RHOBTB1: variants seen among roughly 807,000 people sequenced by gnomAD.
RHOBTB1 encodes Rho related BTB domain containing 1, also known as rho-related BTB domain-containing protein 1.
Under a neutral mutation model 71.6 loss-of-function variants are expected in RHOBTB1, and 40 were observed. The ratio of observed to expected loss-of-function variants is 0.56; its 90% CI spans 0.43 to 0.73. The LOEUF (loss-of-function observed/expected upper bound fraction) is 0.73. RHOBTB1 is among the 30% of genes least tolerant of loss of function. The pLI, the probability that RHOBTB1 is intolerant of heterozygous loss-of-function variation, is 0.00. For synonymous variants in RHOBTB1, 319 were observed against 334.9 expected (o/e 0.95, Z 0.52); for missense variants, 797 against 894.0 (o/e 0.89, Z 1.38).
At chr10:60,990,523 T>A (rs1195664456) in intron 1 of RHOBTB1, among the ~76,000 whole-genome samples, 1 of 152,176 alleles carries the variant, frequency 6.6e-6, no homozygotes, top group Non-Finnish European at 1.5e-5. Context: ...TCAAAAATAA[T>A]TCTCTCCTGA....
At chr10:60,978,984 C>A (rs1279099833) in intron 2 of RHOBTB1, among the ~76,000 whole-genome samples, 1 of 152,018 alleles carries the variant, frequency 6.6e-6, no homozygotes, top group African/African-American at 2.4e-5. Flanking sequence ...CAAATCTCCC[C>A]CTATGTATCA....
intron 9 of RHOBTB1, among the ~76,000 whole-genome samples, chr10:60,872,705 T>C (rs1258463899): frequency 6.6e-6 from 1 of 152,156 alleles, no homozygotes; most frequent in African/African-American, 2.4e-5. Flanking sequence ...GAGCTCAGCT[T>C]GCTGGGGCCA....
rs139578469 is a variant in RHOBTB1, at chr10:60,994,957, AT to A, written c.-163+6441del. 1.9e-3 allele frequency among the ~76,000 whole-genome samples: 283 copies of A among 151,968 alleles called. 8 individuals are homozygous for A. In the East Asian group the frequency reaches 0.051, roughly 27 times the overall value. On this transcript the variant is annotated intron_variant, in intron 1 of 11. Transcript: ENST00000357917. Reference sequence around the variant, plus strand: ...AACAAAACAAAAAACAGAGCACATAATGAAAGATGCGGCTAAAAATTCTTTC... The same window carrying A: ...AACAAAACAAAAAACAGAGCACATAAGAAAGATGCGGCTAAAAATTCTTTC...
intron 1 of RHOBTB1, among the ~76,000 whole-genome samples, chr10:60,987,816 C>T (rs547415122): frequency 6.6e-6 from 1 of 151,796 alleles, no homozygotes; most frequent in Admixed American, 6.6e-5. Context: ...TCTAAACCAT[C>T]TCCCCTCACT....
rs147181899 is a variant in RHOBTB1, at chr10:60,940,975, T to C, written c.-11+829A>G. On this transcript the variant is annotated intron_variant, in intron 2 of 10. Transcript: ENST00000337910. ...ATCTTCAAGGCCAGAGACCCCACAA[T>C]AAAAACTTTCTTATATCTTTGACAG... Among the ~76,000 whole-genome samples, 568 of 152,306 alleles carry C rather than the reference T, an allele frequency of 3.7e-3. 2 individuals are homozygous for C. The highest frequency in any genetic ancestry group is 0.013 in the African/African-American group (549 of 41,580).
In RHOBTB1 at chr10:60,888,192, C is replaced by T. The variant is rs1214609185; in HGVS notation, c.1456+20G>A. The T allele has an allele frequency of 6.2e-7, 1 of 1,600,082 alleles. No homozygotes were observed. The highest frequency in any genetic ancestry group is 1.3e-5 in the African/African-American group (1 of 74,502). ...AACACAATCAAAGGTATTAATGGCTCTGCCCCGCGGCCCACTCACCCGAGA... is the reference window on the plus strand; with the variant it reads ...AACACAATCAAAGGTATTAATGGCTTTGCCCCGCGGCCCACTCACCCGAGA... On this transcript the variant is annotated intron_variant, in intron 6 of 10. Coordinates refer to ENST00000337910, the MANE Select transcript of RHOBTB1 (RefSeq NM_014836.5).
At chr10:60,884,255 T>C (rs971422447) in intron 7 of RHOBTB1, among the ~76,000 whole-genome samples, 3 of 152,134 alleles carry the variant, frequency 2.0e-5, no homozygotes, top group Non-Finnish European at 2.9e-5. Context: ...ACAATGGGAG[T>C]GCTCGAATTT....
intron 2 of RHOBTB1, among the ~76,000 whole-genome samples, chr10:60,950,905 G>C (rs2085387956): frequency 6.6e-6 from 1 of 152,190 alleles, no homozygotes; most frequent in Non-Finnish European, 1.5e-5. Context: ...GTATGAGGTA[G>C]AAAGTTTAGT....
intron 2 of RHOBTB1, among the ~76,000 whole-genome samples, chr10:60,919,502 GA>G: frequency 6.6e-6 from 1 of 152,270 alleles, no homozygotes; most frequent in African/African-American, 2.4e-5. Flanking sequence ...CCAGAGCCGG[GA>G]AAGAGATGCA....
At chr10:60,949,831 A>G (rs1256828170) in intron 2 of RHOBTB1, among the ~76,000 whole-genome samples, 2 of 152,188 alleles carry the variant, frequency 1.3e-5, no homozygotes, top group Non-Finnish European at 2.9e-5. Flanking sequence ...CTGTGAAGAC[A>G]AAGTATCTTT....
At chr10:60,927,114 T>C (rs2083930397) in intron 2 of RHOBTB1, among the ~76,000 whole-genome samples, 1 of 152,138 alleles carries the variant, frequency 6.6e-6, no homozygotes, top group Non-Finnish European at 1.5e-5. Context: ...AGTAATCCAA[T>C]TTATCATAGC....
chr10:60,957,723 C>A (rs2085642901), intron 2 of RHOBTB1, among the ~76,000 whole-genome samples: 1 of 152,096 alleles, frequency 6.6e-6, no homozygotes, highest in Non-Finnish European at 1.5e-5. Flanking sequence ...TTCTGAATAA[C>A]TGAAAGAGAT....
At position 60,888,728 on chromosome 10, in the gene RHOBTB1, C is replaced by T; in HGVS notation, c.940G>A (p.Glu314Lys). ...CCCTGGAAATCTCTGCTCTGCTTCT[C>T]TTTCTCACAGGCTCCTTCACTCCCA... is the stretch of plus-strand genomic sequence containing the variant. ...PNGSEGACEK[E>K]KQSRDFQGRI... The change falls in exon 6 of 11, where the codon GAG (glutamate) becomes AAG (lysine). Residue 314 changes from glutamate to lysine, a missense_variant. Coordinates refer to ENST00000337910, the MANE Select transcript of RHOBTB1 (RefSeq NM_014836.5). The T allele has an allele frequency of 1.2e-6, 2 of 1,614,206 alleles. No individual in the cohort carries two copies.
At chr10:60,947,385 CAA>C (rs1212666290), upstream of RHOBTB1, among the ~76,000 whole-genome samples, 1 of 152,046 alleles carries the variant, frequency 6.6e-6, no homozygotes. Context: ...AATATTTTAT[CAA>C]AGTCATAGGA....
At chr10:60,863,995 C>T in the RHOBTB1 span, among the ~76,000 whole-genome samples, 1 of 152,154 alleles carries the variant, frequency 6.6e-6, no homozygotes, top group Non-Finnish European at 1.5e-5. Flanking sequence ...TCCATTATCC[C>T]CTCCCCCTCC....
intron 10 of RHOBTB1, 114 bp downstream of exon 10, chr10:60,872,071 A>T (rs927455091): frequency 1.2e-6 from 1 of 806,674 alleles, no homozygotes; most frequent in Middle Eastern, 3.5e-4. Context: ...GCCAGTCTCG[A>T]GGAATCATCC....
chr10:60,958,543 C>G (rs1407228340), intron 2 of RHOBTB1, among the ~76,000 whole-genome samples: 1 of 151,978 alleles, frequency 6.6e-6, no homozygotes, highest in African/African-American at 2.4e-5. Context: ...CACAAAATAT[C>G]AACCATCAAC....
At chr10:60,862,537 T>C in the RHOBTB1 span, among the ~76,000 whole-genome samples, 1 of 150,118 alleles carries the variant, frequency 6.7e-6, no homozygotes, top group Non-Finnish European at 1.5e-5. Context: ...CCTTTCTTTC[T>C]CTTTCTTTCT....
intron 7 of RHOBTB1, among the ~76,000 whole-genome samples, chr10:60,880,425 T>C (rs1436827246): frequency 6.6e-6 from 1 of 152,148 alleles, no homozygotes; most frequent in Non-Finnish European, 1.5e-5. Flanking sequence ...AGAGAGGGAA[T>C]ATCCTTTCAG....
Sources: gnomAD v4.1 joint callset for allele counts (sites outside exome capture counted in the v4.1 genomes callset) on GRCh38, gnomAD v4.1.1 for gene constraint, MANE v1.5 for transcripts, NCBI Gene and HGNC (gene_info 2026-07-23, HGNC 2026-07-21) for gene names.